C1D: variants seen among roughly 807,000 people sequenced by gnomAD.
The protein encoded by C1D is nuclear nucleic acid-binding protein C1D.
C1D carries 10 observed loss-of-function variants against 17.5 expected under a neutral mutation model. The ratio of observed to expected loss-of-function variants is 0.57; its 90% CI spans 0.35 to 0.97. C1D has a LOEUF of 0.97. Ranked by LOEUF, C1D falls within the 50% of genes least tolerant of loss-of-function variation. The probability of loss-of-function intolerance (pLI) is 0.01; values close to 1 mark genes in which losing one functional copy is unlikely to be tolerated. For synonymous variants in C1D, 49 were observed against 54.0 expected (o/e 0.91, Z 0.40); for missense variants, 136 against 160.1 (o/e 0.85, Z 0.81).
rs190551042 is a variant in C1D, at chr2:68,046,938, G to A, written c.138+235C>T. Among the ~76,000 whole-genome samples the A allele has an allele frequency of 1.1e-3, 151 of 142,946 alleles. 1 individual carries two copies. In the Middle Eastern group the frequency reaches 0.014, roughly 13 times the overall value. 93.8% of individuals were successfully genotyped at this position (142,946 alleles called of 152,430 possible). A position where few individuals can be genotyped will look rare whatever the true frequency, so the allele number is the denominator to read the frequency against. ...GATAGAGTCTGTCAAAAAGAATACC[G>A]TGAGTGCTCCTTTTTTTTTCCAAAA... is the stretch of plus-strand genomic sequence containing the variant. On this transcript the variant is annotated intron_variant, in intron 2 of 4. Transcript: ENST00000410067.
At chr2:68,054,543 A>T (rs1177019494) in intron 1 of C1D, among the ~76,000 whole-genome samples, 1 of 152,202 alleles carries the variant, frequency 6.6e-6, no homozygotes, top group Non-Finnish European at 1.5e-5. Context: ...ATGATCTAGA[A>T]TAATCTCCCT....
chr2:68,052,965 T>C, intron 1 of C1D: 1 of 1,479,736 alleles, frequency 6.8e-7, no homozygotes, highest in East Asian at 2.5e-5. Context: ...CACTTGTTCA[T>C]CTAAACCTCA....
chr2:68,055,740 A>T (rs1011304272), intron 1 of C1D, among the ~76,000 whole-genome samples: 1 of 152,200 alleles, frequency 6.6e-6, no homozygotes, highest in Non-Finnish European at 1.5e-5. Context: ...TGAAGTATAG[A>T]GGGGTAAAAT....
intron 4 of C1D, 142 bp from the exon 5 acceptor site, chr2:68,043,195 A>G: frequency 1.7e-6 from 1 of 592,820 alleles, no homozygotes. Context: ...ATGCAAATGA[A>G]TAGGATAAAT....
intron 1 of C1D, among the ~76,000 whole-genome samples, chr2:68,058,813 G>C (rs1448101016): frequency 1.3e-5 from 2 of 152,092 alleles, no homozygotes; most frequent in Non-Finnish European, 2.9e-5. Flanking sequence ...TAGAATCTCC[G>C]ATTTCCTTAG....
chr2:68,051,647 C>A (rs1315451168), intron 1 of C1D, among the ~76,000 whole-genome samples: 1 of 152,130 alleles, frequency 6.6e-6, no homozygotes, highest in Non-Finnish European at 1.5e-5. Context: ...CATTGTTCTT[C>A]CCCCACGACA....
At chr2:68,055,655 T>C (rs193166802) in intron 1 of C1D, among the ~76,000 whole-genome samples, 8 of 152,324 alleles carry the variant, frequency 5.3e-5, no homozygotes, top group Middle Eastern at 3.4e-3. Flanking sequence ...CAACAAATTA[T>C]TGATAATTCT....
chr2:68,043,006 C>T lies in C1D; in HGVS notation c.309G>A (p.Lys103=). The T allele has an allele frequency of 6.2e-7, 1 of 1,611,188 alleles. No individual in the cohort carries two copies. Residue 103 remains lysine, a synonymous_variant, in exon 5 of 5, where the codon AAG becomes AAA. Coordinates refer to ENST00000410067, the MANE Select transcript of C1D (RefSeq NM_173177.3). ...CTCTGTCCAGCTTGCCAGCCTTTTT[C>T]TTGTCTGTTATTTCCTTGACTCTGT... ...YMNRVKEITD[K]KKAGKLDRGA...
intron 1 of C1D, among the ~76,000 whole-genome samples, chr2:68,049,034 TAA>T (rs1671209936): frequency 6.6e-6 from 1 of 151,820 alleles, no homozygotes. Context: ...CCATCTCTAC[TAA>T]AAATACAAAA....
At chr2:68,048,912 T>C (rs1006617335) in intron 1 of C1D, among the ~76,000 whole-genome samples, 2 of 152,024 alleles carry the variant, frequency 1.3e-5, no homozygotes, top group African/African-American at 2.4e-5. Context: ...AAAGAGCAAA[T>C]TGGGCTGGAC....
At chr2:68,053,411 G>A (rs1671344311) in intron 1 of C1D, 4 of 487,012 alleles carry the variant, frequency 8.2e-6, no homozygotes, top group Non-Finnish European at 1.4e-5. Flanking sequence ...AATCCAGGCA[G>A]AAACCTGGGA....
chr2:68,053,058 C>G (rs1209509542), intron 1 of C1D: 1 of 1,549,904 alleles, frequency 6.5e-7, no homozygotes, highest in African/African-American at 1.4e-5. Flanking sequence ...GAAAAGAACT[C>G]ACCCAGCTCT....
chr2:68,062,120 A>G (rs1351314780), intron 1 of C1D, among the ~76,000 whole-genome samples: 2 of 152,240 alleles, frequency 1.3e-5, no homozygotes, highest in Admixed American at 1.3e-4. Flanking sequence ...TTTCCATGTG[A>G]TTCTTACATA....
intron 1 of C1D, chr2:68,053,230 C>G (rs1388070978): frequency 6.5e-6 from 10 of 1,543,022 alleles, no homozygotes; most frequent in Non-Finnish European, 8.7e-6. Context: ...ACCTGGGTTG[C>G]GGGGATGCTG....
At chr2:68,046,289 T>A in intron 3 of C1D, 55 bp downstream of exon 3, 1 of 1,266,692 alleles carries the variant, frequency 7.9e-7, no homozygotes, top group Non-Finnish European at 1.1e-6. Context: ...AAATAAATCA[T>A]CTTTCACACA....
At chr2:68,052,571 G>A (rs931182536) in intron 1 of C1D, among the ~76,000 whole-genome samples, 7 of 152,110 alleles carry the variant, frequency 4.6e-5, no homozygotes, top group Middle Eastern at 3.4e-3. Flanking sequence ...CTGTCCCTAA[G>A]CCCCAATAAA....
chr2:68,056,910 C>G (rs1222811579), intron 1 of C1D, among the ~76,000 whole-genome samples: 2 of 152,138 alleles, frequency 1.3e-5, no homozygotes, highest in Admixed American at 6.5e-5. Flanking sequence ...TTTTACTTCT[C>G]AAAGTATATT....
chr2:68,043,100 A>G, intron 4 of C1D, 47 bp from the exon 5 acceptor site: 1 of 1,409,168 alleles, frequency 7.1e-7, no homozygotes, highest in South Asian at 1.3e-5. Context: ...GCTATTCGCC[A>G]CCACTGAATT....
rs750654702 is a variant in C1D, at chr2:68,041,845, T to A, written c.*1044A>T. 8 of 152,032 alleles carry A rather than the reference T, an allele frequency of 5.3e-5. No individual in the cohort carries two copies. The highest frequency in any genetic ancestry group is 1.0e-4 in the Non-Finnish European group (7 of 67,890). 9.4% of individuals were successfully genotyped at this position (152,032 alleles called of 1,614,324 possible). On this transcript the variant is annotated 3_prime_UTR_variant, in exon 5 of 5. Transcript: ENST00000410067. ...AAACACTGAAAGCATTAAGGGCATATAATTAAAATTCATGGGCTTAGACAT... is the reference window on the plus strand; with the variant it reads ...AAACACTGAAAGCATTAAGGGCATAAAATTAAAATTCATGGGCTTAGACAT...
Sources: allele counts gnomAD v4.1 joint callset (sites outside exome capture counted in the v4.1 genomes callset), GRCh38; gene constraint gnomAD v4.1.1; transcripts MANE v1.5; gene names NCBI Gene and HGNC (gene_info 2026-07-23, HGNC 2026-07-21).